The following SLC26A11 variants were observed in gnomAD, a reference collection of about 807,000 sequenced individuals.
SLC26A11 encodes the protein sodium-independent sulfate anion transporter.
In SLC26A11, 58 loss-of-function variants were observed where a neutral mutation model predicts 62.2. That is an observed-to-expected ratio of 0.93 (90% CI 0.76 to 1.16). The LOEUF (loss-of-function observed/expected upper bound fraction) is 1.16. Ranked by LOEUF, SLC26A11 falls within the 50% of genes most tolerant of loss-of-function variation. The pLI is 0.00. For missense variants in SLC26A11, 790 were observed against 794.3 expected (o/e 0.99, Z 0.06); for synonymous variants, 411 against 368.9 (o/e 1.11, Z -1.31).
chr17:80,241,071 C>T (rs2042847244), intron 9 of SLC26A11, among the ~76,000 whole-genome samples: 1 of 152,214 alleles, frequency 6.6e-6, no homozygotes, highest in South Asian at 2.1e-4. Flanking sequence ...TGCCACTGCA[C>T]TCCAGCCTGG....
chr17:80,229,878 C>A (rs570628613), intron 7 of SLC26A11, among the ~76,000 whole-genome samples: 1 of 152,224 alleles, frequency 6.6e-6, no homozygotes, highest in East Asian at 1.9e-4. Flanking sequence ...CTTCAGGGCA[C>A]GCCCAGGGGA....
chr17:80,246,437 C>A lies in SLC26A11; in HGVS notation c.1154-72C>A. 1 of 1,587,696 alleles carries A rather than the reference C, an allele frequency of 6.3e-7. No individual in the cohort carries two copies. The highest frequency in any genetic ancestry group is 1.1e-5 in the South Asian group (1 of 89,862). ...CCTGTCCCCAGTGGGCTCTGCTGAA[C>A]AAGAGGCTGCTACGCTGCGTGCTGG... On this transcript the variant is annotated intron_variant, in intron 12 of 17. Coordinates refer to ENST00000361193, the MANE Select transcript of SLC26A11 (RefSeq NM_001166347.2). The surrounding 1 kb of genome is among the most constrained non-coding windows in gnomAD (Gnocchi z 4.4).
In SLC26A11 at chr17:80,222,928, C is replaced by CGT; in HGVS notation, c.427+89_427+90dup. The CGT allele has an allele frequency of 1.7e-6, 2 of 1,186,844 alleles. No individual in the cohort carries two copies. The highest frequency in any genetic ancestry group is 2.2e-6 in the Non-Finnish European group (2 of 899,734). 73.5% of individuals were successfully genotyped at this position (1,186,844 alleles called of 1,614,324 possible). ...TGCATTTCAAGTCTATCCCCGTGTG[C>CGT]GTGTGTGTGCGTGTTGGGGTGTGGG... is the stretch of plus-strand genomic sequence containing the variant. On this transcript the variant is annotated intron_variant, in intron 4 of 17. Coordinates refer to ENST00000361193, the MANE Select transcript of SLC26A11 (RefSeq NM_001166347.2). The surrounding 1 kb of genome is among the most constrained non-coding windows in gnomAD (Gnocchi z 4.7).
chr17:80,224,192 A>AGT (rs1222927307), intron 5 of SLC26A11, among the ~76,000 whole-genome samples: 3 of 127,232 alleles, frequency 2.4e-5, no homozygotes, highest in African/African-American at 8.5e-5. Context: ...AGTGTGTATG[A>AGT]GTGTGTGTGA....
rs199781652 is a variant in SLC26A11 at position 80,221,693 on chromosome 17, C to T, written c.133C>T (p.Leu45=). ...PILAWLPSYS[L]QWLKMDFVAG... ...CCTGGCGTGGCTGCCCAGCTACTCCCTGCAGTGGCTGAAGATGGATTTCGT... is the reference window on the plus strand; with the variant it reads ...CCTGGCGTGGCTGCCCAGCTACTCCTTGCAGTGGCTGAAGATGGATTTCGT... The change falls in exon 3 of 18, where the codon CTG becomes TTG. Residue 45 remains leucine, a synonymous_variant. Coordinates refer to ENST00000361193, the MANE Select transcript of SLC26A11 (RefSeq NM_001166347.2). 5.4e-5 allele frequency: 87 copies of T among 1,613,712 alleles called. No individual in the cohort carries two copies. Among genetic ancestry groups the T allele is most frequent in the Non-Finnish European group, 7.1e-5 (84 of 1,180,028 alleles).
chr17:80,244,703 G>A (rs924159219), intron 10 of SLC26A11, among the ~76,000 whole-genome samples: 4 of 152,090 alleles, frequency 2.6e-5, no homozygotes, highest in African/African-American at 9.7e-5. Context: ...TTAACTGGGT[G>A]TGGTGGCACA....
At chr17:80,251,209 TG>T in intron 16 of SLC26A11, 119 bp from the exon 17 acceptor site, 1 of 1,590,932 alleles carries the variant, frequency 6.3e-7, no homozygotes, top group East Asian at 2.2e-5. Flanking sequence ...CACCATTCAC[TG>T]GTATGGAGGT....
At chr17:80,241,708 G>A in intron 9 of SLC26A11, 63 bp from the exon 10 acceptor site, 1 of 1,514,504 alleles carries the variant, frequency 6.6e-7, no homozygotes, top group African/African-American at 1.4e-5. Context: ...GTTACATTTT[G>A]TGAATACTTT....
intron 7 of SLC26A11, among the ~76,000 whole-genome samples, chr17:80,233,388 C>G (rs2042609289): frequency 6.6e-6 from 1 of 152,086 alleles, no homozygotes; most frequent in African/African-American, 2.4e-5. Context: ...CCTCAGCCAA[C>G]CAAAGTGCTG....
intron 13 of SLC26A11, 71 bp from the exon 14 acceptor site, chr17:80,248,059 C>T (rs1018019706): frequency 1.1e-5 from 16 of 1,478,468 alleles, no homozygotes; most frequent in South Asian, 2.7e-5. Flanking sequence ...AAAGCTGTCC[C>T]GCTGGTCAGC....
intron 7 of SLC26A11, among the ~76,000 whole-genome samples, chr17:80,229,850 C>T (rs181999740): frequency 9.2e-5 from 14 of 152,258 alleles, no homozygotes; most frequent in Admixed American, 3.9e-4. Context: ...CCCAGATCTC[C>T]GAATCAGGAT....
chr17:80,248,537 C>G (rs774333269), intron 14 of SLC26A11, 38 bp from the exon 15 acceptor site: 2 of 1,537,352 alleles, frequency 1.3e-6, no homozygotes, highest in South Asian at 2.4e-5. Flanking sequence ...GGAGGCCACC[C>G]GGTCAGACCC....
At chr17:80,238,409 G>A (rs1455813482) in intron 9 of SLC26A11, among the ~76,000 whole-genome samples, 2 of 152,142 alleles carry the variant, frequency 1.3e-5, no homozygotes, top group African/African-American at 4.8e-5. Flanking sequence ...TTTAGTAACA[G>A]GCTCACAAAA....
chr17:80,226,992 G>A (rs1446044194), intron 6 of SLC26A11, among the ~76,000 whole-genome samples: 1 of 152,292 alleles, frequency 6.6e-6, no homozygotes, highest in East Asian at 1.9e-4. Context: ...CAGTGGGCAG[G>A]GGTCGGCCAG....
chr17:80,233,452 C>T (rs1398217754), intron 7 of SLC26A11, among the ~76,000 whole-genome samples: 1 of 152,146 alleles, frequency 6.6e-6, no homozygotes, highest in Non-Finnish European at 1.5e-5. Flanking sequence ...GATTTATCCA[C>T]GTAGTCACTG....
Position 80,248,176 on chromosome 17 carries a change from G to C in SLC26A11, c.1341G>C (p.Trp447Cys). The C allele has an allele frequency of 6.2e-7, 1 of 1,608,106 alleles. No homozygotes were observed. The highest frequency in any genetic ancestry group is 1.1e-5 in the South Asian group (1 of 90,958). Reference sequence around the variant, plus strand: ...GCGTGACCTTCCTGCTGTGCTTCTGGGAGGTGCAGTACGGCATCCTGGCCG... The same window carrying C: ...GCGTGACCTTCCTGCTGTGCTTCTGCGAGGTGCAGTACGGCATCCTGGCCG... The part of the protein sequence containing the change: ...PLCVTFLLCF[W>C]EVQYGILAGA... Residue 447 changes from tryptophan (W) to cysteine (C), a missense_variant, in exon 14 of 18, where the codon TGG (tryptophan) becomes TGC (cysteine). Coordinates refer to ENST00000361193, the MANE Select transcript of SLC26A11 (RefSeq NM_001166347.2).
intron 9 of SLC26A11, among the ~76,000 whole-genome samples, chr17:80,237,964 T>C (rs963600407): frequency 6.6e-6 from 1 of 152,242 alleles, no homozygotes; most frequent in Admixed American, 6.5e-5. Context: ...GCATGAACAA[T>C]CATATTCTAT....
intron 7 of SLC26A11, among the ~76,000 whole-genome samples, chr17:80,229,347 T>A (rs558623536): frequency 1.2e-4 from 18 of 152,270 alleles, no homozygotes; most frequent in Admixed American, 8.5e-4. Context: ...GGGTTTAGAC[T>A]TGCAAAGTAG....
At chr17:80,230,111 C>G (rs1369206121) in intron 7 of SLC26A11, among the ~76,000 whole-genome samples, 3 of 150,580 alleles carry the variant, frequency 2.0e-5, no homozygotes, top group Admixed American at 6.7e-5. Flanking sequence ...AGGAGAATCA[C>G]TTGAACCCGG....
Sources: allele counts gnomAD v4.1 joint callset (sites outside exome capture counted in the v4.1 genomes callset), GRCh38; gene constraint gnomAD v4.1.1; non-coding constraint Gnocchi (gnomAD v3.1); transcripts MANE v1.5; gene names NCBI Gene and HGNC (gene_info 2026-07-23, HGNC 2026-07-21).